The following CCSER2 variants were observed in gnomAD, a reference collection of about 807,000 sequenced individuals.
CCSER2 encodes serine-rich coiled-coil domain-containing protein 2.
A neutral mutation model predicts 92.3 loss-of-function variants in CCSER2; 46 were observed. That is an observed-to-expected ratio of 0.50 (90% CI 0.39 to 0.64). The LOEUF (loss-of-function observed/expected upper bound fraction) is 0.64. CCSER2 is among the 30% of genes least tolerant of loss of function. CCSER2 has a pLI of 0.00. For synonymous variants in CCSER2, 433 were observed against 431.4 expected (o/e 1.00, Z -0.04); for missense variants, 1,244 against 1,238.9 (o/e 1.00, Z -0.06).
intron 9 of CCSER2, among the ~76,000 whole-genome samples, chr10:84,489,129 T>C (rs188850789): frequency 6.6e-6 from 1 of 152,248 alleles, no homozygotes; most frequent in Admixed American, 6.5e-5. Context: ...TCTGTTCTTT[T>C]ACATTTGCTG....
intron 9 of CCSER2, among the ~76,000 whole-genome samples, chr10:84,483,813 A>ATC (rs1208143635): frequency 2.1e-5 from 3 of 143,380 alleles, no homozygotes; most frequent in Non-Finnish European, 4.6e-5. Context: ...TTGAGATGGA[A>ATC]TCTCTCTCTC....
chr10:84,391,883 A>G (rs755097701), intron 3 of CCSER2: 1 of 1,391,178 alleles, frequency 7.2e-7, no homozygotes, highest in Non-Finnish European at 1.0e-6. Context: ...TTTTTTTGTG[A>G]TGCTGTTGCA....
intron 6 of CCSER2, among the ~76,000 whole-genome samples, chr10:84,460,351 C>A: frequency 6.6e-6 from 1 of 151,382 alleles, no homozygotes. Flanking sequence ...TGATCCCCCC[C>A]GTCTTGGCCT....
chr10:84,458,095 A>T (rs1173912012), intron 6 of CCSER2, among the ~76,000 whole-genome samples: 1 of 143,084 alleles, frequency 7.0e-6, no homozygotes, highest in Admixed American at 7.7e-5. Flanking sequence ...TCCATAGATC[A>T]TGTTTTGGTC....
intron 3 of CCSER2, chr10:84,391,521 A>T: frequency 6.6e-7 from 1 of 1,511,124 alleles, no homozygotes; most frequent in Non-Finnish European, 9.2e-7. Flanking sequence ...CTGGGAATCA[A>T]CCCAAATCCA....
Position 84,470,374 on chromosome 10 carries a change from TGAA to T in CCSER2, c.2154_2156del (p.Glu718del), listed in dbSNP as rs774783485. ...CTAAAGATTTTTTAATATTTCAGAA[TGAA>T]GATTTATTAAATGAAATAAAACAAC... On this transcript the variant is annotated inframe_deletion, in exon 8 of 10. Transcript: ENST00000372088. The T allele has an allele frequency of 1.5e-6, 2 of 1,308,970 alleles. No individual in the cohort carries two copies. The highest frequency in any genetic ancestry group is 2.9e-5 in the South Asian group (2 of 68,840). 81.1% of individuals were successfully genotyped at this position (1,308,970 alleles called of 1,614,324 possible).
chr10:84,445,673 G>A (rs1844869446), intron 6 of CCSER2, among the ~76,000 whole-genome samples: 1 of 152,098 alleles, frequency 6.6e-6, no homozygotes, highest in Non-Finnish European at 1.5e-5. Context: ...AAATATAGAT[G>A]AATTTGTCTG....
Position 84,417,954 on chromosome 10 carries a change from C to G in CCSER2, c.1705+93C>G, listed in dbSNP as rs375318961. 3.7e-5 allele frequency: 26 copies of G among 706,908 alleles called. No individual in the cohort carries two copies. The East Asian group carries it at 4.1e-4, about 11-fold the overall frequency. The allele number at this position is 706,908 out of a possible 1,614,324, so 43.8% of individuals were successfully genotyped here. Reference sequence around the variant, plus strand: ...ATTTGTTACTTGCAGACTTCTTAATCTTAATGGAGCCTTTCAGACTGAGAA... The same window carrying G: ...ATTTGTTACTTGCAGACTTCTTAATGTTAATGGAGCCTTTCAGACTGAGAA... On this transcript the variant is annotated intron_variant, in intron 4 of 9. Transcript: ENST00000372088.
intron 3 of CCSER2, among the ~76,000 whole-genome samples, chr10:84,382,042 T>C (rs1398185401): frequency 6.6e-6 from 1 of 152,196 alleles, no homozygotes; most frequent in Admixed American, 6.5e-5. Flanking sequence ...GAGAGGACTC[T>C]TGGAAGCTTT....
In CCSER2 at chr10:84,490,250, G is replaced by A. The variant is rs939113518; in HGVS notation, c.2325+12586G>A. Among the ~76,000 whole-genome samples the A allele has an allele frequency of 1.2e-4, 18 of 152,168 alleles. 1 individual carries two copies. Among genetic ancestry groups the A allele is most frequent in the East Asian group, 5.8e-4 (3 of 5,174 alleles). ...TGCTCTTCTCGAGGATTATCTTTGC[G>A]GCGTTCTCTGTATTTCCTGAATTTG... is the stretch of plus-strand genomic sequence containing the variant. On this transcript the variant is annotated intron_variant, in intron 9 of 9. Transcript: ENST00000372088.
At chr10:84,444,674 T>C (rs1844797407) in intron 6 of CCSER2, among the ~76,000 whole-genome samples, 1 of 152,190 alleles carries the variant, frequency 6.6e-6, no homozygotes, top group African/African-American at 2.4e-5. Context: ...CATCATTCTG[T>C]GTCCCCTTAG....
At position 84,425,807 on chromosome 10, in the gene CCSER2, G is replaced by A. The variant is rs754303811; in HGVS notation, c.1782G>A (p.Arg594=). 3 of 1,613,416 alleles carry A rather than the reference G, an allele frequency of 1.9e-6. No homozygotes were observed. The highest frequency in any genetic ancestry group is 3.3e-5 in the Admixed American group (2 of 59,978). ...AGCCTCAGGAAGGTTTTTGGAAAAG[G>A]CCACCCCAGAGGTGGAGTGGACAGG... ...VRQPQEGFWK[R]PPQRWSGQEH... Residue 594 remains arginine, a synonymous_variant, in exon 5 of 10, where the codon AGG becomes AGA. Coordinates refer to ENST00000372088, the MANE Select transcript of CCSER2 (RefSeq NM_001284240.2).
intron 9 of CCSER2, among the ~76,000 whole-genome samples, chr10:84,496,493 G>A (rs1479962554): frequency 6.6e-6 from 1 of 151,956 alleles, no homozygotes; most frequent in Admixed American, 6.6e-5. Context: ...CACCATGTTA[G>A]CCAGGATGGT....
intron 8 of CCSER2, chr10:84,473,200 T>C (rs1321088762): frequency 3.3e-5 from 5 of 152,186 alleles, no homozygotes; most frequent in African/African-American, 4.8e-5. Flanking sequence ...TAATCATATT[T>C]GTCATAAAAG....
chr10:84,423,572 A>C (rs186890763), intron 4 of CCSER2, among the ~76,000 whole-genome samples: 75 of 152,248 alleles, frequency 4.9e-4, no homozygotes, highest in Non-Finnish European at 8.1e-4. Context: ...CTCTGTGTGG[A>C]CTACTGTGTG....
chr10:84,353,229 CT>C (rs1262481358), intron 1 of CCSER2, among the ~76,000 whole-genome samples: 1 of 152,190 alleles, frequency 6.6e-6, no homozygotes, highest in Non-Finnish European at 1.5e-5. Flanking sequence ...TTTCCACCCT[CT>C]GGTTGCATAG....
chr10:84,489,969 T>C (rs1283938843), intron 9 of CCSER2, among the ~76,000 whole-genome samples: 1 of 152,236 alleles, frequency 6.6e-6, no homozygotes, highest in African/African-American at 2.4e-5. Context: ...TGTTTATCTG[T>C]AAAGTATTTT....
At chr10:84,336,787 A>C (rs997945967) in intron 1 of CCSER2, among the ~76,000 whole-genome samples, 1 of 152,186 alleles carries the variant, frequency 6.6e-6, no homozygotes, top group African/African-American at 2.4e-5. Flanking sequence ...CTCAGCTGCT[A>C]TGTAGGGGTG....
intron 1 of CCSER2, among the ~76,000 whole-genome samples, chr10:84,360,965 C>A (rs1919696): frequency 0.058 from 8,872 of 152,234 alleles, 373 homozygotes; most frequent in Admixed American, 0.1. Context: ...CCTCCACATG[C>A]ACTGGATTTT....
Sources: gnomAD v4.1 joint callset for allele counts (sites outside exome capture counted in the v4.1 genomes callset) on GRCh38, gnomAD v4.1.1 for gene constraint, MANE v1.5 for transcripts, NCBI Gene and HGNC (gene_info 2026-07-23, HGNC 2026-07-21) for gene names.